NRXN3: variants seen among roughly 807,000 people sequenced by gnomAD.
NRXN3 encodes the protein neurexin 3.
A neutral mutation model predicts 137.6 loss-of-function variants in NRXN3; 32 were observed. That is an observed-to-expected ratio of 0.23 (90% confidence interval 0.18 to 0.31). The LOEUF (loss-of-function observed/expected upper bound fraction) is 0.31. Among genes scored for constraint, NRXN3 ranks in the 10% least tolerant of loss-of-function variants. NRXN3 has a pLI of 1.00. For missense variants in NRXN3, 1,574 were observed against 2,062.5 expected (o/e 0.76, Z 4.59); for synonymous variants, 798 against 784.5 (o/e 1.02, Z -0.29).
chr14:79,409,550 G>A (rs893845225), intron 15 of NRXN3, among the ~76,000 whole-genome samples: 4 of 147,298 alleles, frequency 2.7e-5, no homozygotes, highest in African/African-American at 1.0e-4. Context: ...GTTGTCCTGA[G>A]CTCCTGTTGT....
chr14:79,416,031 A>ACT (rs2095491837), intron 15 of NRXN3, among the ~76,000 whole-genome samples: 2 of 152,120 alleles, frequency 1.3e-5, no homozygotes, highest in Non-Finnish European at 2.9e-5. Context: ...AGCATATCAG[A>ACT]ATCATTATGA....
At chr14:78,173,394 G>T (rs913950802) in intron 1 of NRXN3, among the ~76,000 whole-genome samples, 1 of 151,640 alleles carries the variant, frequency 6.6e-6, no homozygotes, top group African/African-American at 2.4e-5. Context: ...GAAATCCATC[G>T]GCACCAGCTT....
rs75783998 is a variant in NRXN3 at position 79,402,456 on chromosome 14, G to A, written c.3263-64765G>A. On this transcript the variant is annotated intron_variant, in intron 15 of 20. Coordinates refer to ENST00000335750, the MANE Select transcript of NRXN3 (RefSeq NM_001330195.2). ...CATAATTGGGGACAAAAACTTGCAT[G>A]TAATATATTTTCTATGAGACTGTAT... Among the ~76,000 whole-genome samples the A allele has an allele frequency of 8.6e-3, 1,315 of 152,276 alleles. 32 individuals are homozygous for A. In the East Asian group the frequency reaches 0.099, roughly 11 times the overall value.
At chr14:79,645,374 G>A (rs2098448673) in intron 16 of NRXN3, among the ~76,000 whole-genome samples, 1 of 134,532 alleles carries the variant, frequency 7.4e-6, no homozygotes, top group South Asian at 2.3e-4. Flanking sequence ...CCAGCATTTT[G>A]GGAGGCCGAG....
At chr14:79,815,895 G>A (rs73334277) in intron 20 of NRXN3, among the ~76,000 whole-genome samples, 24 of 152,184 alleles carry the variant, frequency 1.6e-4, no homozygotes, top group Admixed American at 6.5e-4. Flanking sequence ...AGGAAGTACC[G>A]AGTTTTAAGT....
At chr14:79,282,243 G>A (rs938154594) in intron 15 of NRXN3, among the ~76,000 whole-genome samples, 31 of 152,258 alleles carry the variant, frequency 2.0e-4, no homozygotes, top group African/African-American at 7.0e-4. Flanking sequence ...AAAAAAAGAG[G>A]GAGTGGGAGA....
intron 10 of NRXN3, among the ~76,000 whole-genome samples, chr14:78,954,648 G>T (rs1384018629): frequency 6.6e-6 from 1 of 151,608 alleles, no homozygotes; most frequent in Non-Finnish European, 1.5e-5. Context: ...TGTATTTTTA[G>T]TAGAGACGGG....
At chr14:79,149,240 C>G (rs1034428976) in intron 15 of NRXN3, among the ~76,000 whole-genome samples, 1 of 151,988 alleles carries the variant, frequency 6.6e-6, no homozygotes, top group Non-Finnish European at 1.5e-5. Context: ...GTCAGATCTT[C>G]ACGTTGAAAC....
intron 19 of NRXN3, chr14:79,791,153 T>A (rs1165577690): frequency 6.6e-6 from 1 of 152,148 alleles, no homozygotes; most frequent in Non-Finnish European, 1.5e-5. Context: ...GGTGGAGCTT[T>A]CCTCATCAGG....
intron 10 of NRXN3, among the ~76,000 whole-genome samples, chr14:78,948,193 G>A (rs1308139884): frequency 6.6e-6 from 1 of 152,234 alleles, no homozygotes; most frequent in African/African-American, 2.4e-5. Flanking sequence ...ACCAGTATGA[G>A]TGTCCACTGT....
At chr14:78,653,993 C>G (rs761583119) in intron 6 of NRXN3, among the ~76,000 whole-genome samples, 6 of 152,168 alleles carry the variant, frequency 3.9e-5, no homozygotes, top group African/African-American at 1.4e-4. Flanking sequence ...AAACTCCTGC[C>G]CCGTCTGTTT....
intron 4 of NRXN3, among the ~76,000 whole-genome samples, chr14:78,321,294 A>G (rs1202071144): frequency 2.0e-5 from 3 of 151,918 alleles, no homozygotes; most frequent in African/African-American, 7.3e-5. Flanking sequence ...AAAAACATTG[A>G]AAAACTTTCC....
intron 15 of NRXN3, among the ~76,000 whole-genome samples, chr14:79,112,900 A>T (rs1428221395): frequency 6.6e-6 from 1 of 152,176 alleles, no homozygotes; most frequent in Non-Finnish European, 1.5e-5. Context: ...GATGAAAAAG[A>T]TTAGGCAAAG....
intron 15 of NRXN3, among the ~76,000 whole-genome samples, chr14:79,402,662 T>C (rs1447957150): frequency 6.6e-6 from 1 of 152,210 alleles, no homozygotes; most frequent in African/African-American, 2.4e-5. Flanking sequence ...TAAAAGCATA[T>C]TGGCTACTTG....
intron 15 of NRXN3, among the ~76,000 whole-genome samples, chr14:79,282,468 C>A (rs1275267053): frequency 6.6e-6 from 1 of 152,018 alleles, no homozygotes; most frequent in African/African-American, 2.4e-5. Context: ...AGCAGTACTT[C>A]CCTAGGGTCC....
intron 4 of NRXN3, among the ~76,000 whole-genome samples, chr14:78,443,429 C>G (rs2094320869): frequency 6.6e-6 from 1 of 152,160 alleles, no homozygotes; most frequent in African/African-American, 2.4e-5. Context: ...AATCTGCCAC[C>G]TGATCATCTA....
intron 8 of NRXN3, among the ~76,000 whole-genome samples, chr14:78,803,392 C>A (rs928085539): frequency 6.6e-6 from 1 of 152,102 alleles, no homozygotes; most frequent in African/African-American, 2.4e-5. Context: ...AGGGCAGGTA[C>A]CTGTGTCATC....
At position 79,641,920 on chromosome 14, in the gene NRXN3, T is replaced by C. The variant is rs573706428; in HGVS notation, c.3445-21858T>C. The stretch of plus-strand genomic sequence containing the variant: ...GCATACTTCCCACTGCTTAGATGTC[T>C]ATACTCAGAAAAGTTACTATGTGGT... On this transcript the variant is annotated intron_variant, in intron 16 of 20. Transcript: ENST00000335750. 1.2e-4 allele frequency among the ~76,000 whole-genome samples: 16 copies of C among 135,732 alleles called. No homozygotes were observed. The East Asian group carries it at 3.1e-3, about 27-fold the overall frequency. The allele number at this position is 135,732 out of a possible 152,430, so 89.0% of individuals were successfully genotyped here. A position where few individuals can be genotyped will look rare whatever the true frequency, so the allele number is the denominator to read the frequency against.
chr14:78,935,220 AGAT>A (rs1322328074), intron 10 of NRXN3, among the ~76,000 whole-genome samples: 1 of 152,156 alleles, frequency 6.6e-6, no homozygotes, highest in East Asian at 1.9e-4. Context: ...AGTAGTTTGC[AGAT>A]GACAGTGATC....
Sources: gnomAD v4.1 joint callset for allele counts (sites outside exome capture counted in the v4.1 genomes callset) on GRCh38, gnomAD v4.1.1 for gene constraint, MANE v1.5 for transcripts, NCBI Gene and HGNC (gene_info 2026-07-23, HGNC 2026-07-21) for gene names.